Variants in USP9Y observed in about 807,000 individuals in gnomAD.
USP9Y encodes ubiquitin specific peptidase 9 Y-linked.
USP9Y carries 41 observed loss-of-function variants against 53.1 expected under a neutral mutation model. The ratio of observed to expected loss-of-function variants is 0.77; its 90% confidence interval spans 0.60 to 1.00. USP9Y has a LOEUF of 1.00. USP9Y is among the 50% of genes least tolerant of loss of function. USP9Y has a pLI of 0.00. For synonymous variants in USP9Y, 220 were observed against 173.7 expected, an observed-to-expected ratio of 1.27 and a Z score of -2.09; for missense variants, 567 against 535.8, an observed-to-expected ratio of 1.06 and a Z score of -0.58.
At position 12,841,115 on chromosome Y, in the gene USP9Y, G is replaced by A. The variant is rs746611950; in HGVS notation, c.6194G>A (p.Arg2065His). ...TTGFHTKKIV[R>H]GPASDWYDAL... Reference sequence around the variant, plus strand: ...GGATTTCACACCAAGAAAATAGTTCGTGGTCCTGCCAGTGACTGGTACATG... The same window carrying A: ...GGATTTCACACCAAGAAAATAGTTCATGGTCCTGCCAGTGACTGGTACATG... Residue 2065 changes from arginine to histidine, a missense_variant, in exon 37 of 46, where the codon CGT becomes CAT. Coordinates refer to ENST00000338981, the MANE Select transcript of USP9Y (RefSeq NM_004654.4). 2 of 396,368 alleles carry A rather than the reference G, an allele frequency of 5.0e-6. No individual in the cohort carries two copies. Among genetic ancestry groups the A allele is most frequent in the Non-Finnish European group, 7.1e-6 (2 of 281,911 alleles).
At chrY:12,814,038 A>G (rs2053533668) in intron 31 of USP9Y, among the ~76,000 whole-genome samples, 1 of 32,718 alleles carries the variant, frequency 3.1e-5, no homozygotes, top group Non-Finnish European at 7.6e-5. Context: ...CTGGTCTAGA[A>G]CTCCTGACCT....
chrY:12,833,652 T>C, intron 33 of USP9Y, 36 bp from the exon 34 acceptor site: 1 of 373,827 alleles, frequency 2.7e-6, no homozygotes, highest in Non-Finnish European at 3.8e-6. Flanking sequence ...TCTAGGCATG[T>C]ATTACATAAC....
intron 35 of USP9Y, among the ~76,000 whole-genome samples, chrY:12,838,835 G>C: frequency 3.0e-5 from 1 of 33,350 alleles, no homozygotes; most frequent in African/African-American, 1.2e-4. Context: ...ACTTAGTTTG[G>C]GAGATGGAAT....
intron 4 of USP9Y, chrY:12,721,276 A>G: frequency 7.2e-5 from 1 of 13,823 alleles, no homozygotes; most frequent in African/African-American, 5.8e-4. Flanking sequence ...CAGACAGAAA[A>G]GATTTTTTTT....
intron 45 of USP9Y, among the ~76,000 whole-genome samples, chrY:12,858,280 C>T (rs2053579602): frequency 3.1e-5 from 1 of 32,430 alleles, no homozygotes; most frequent in Non-Finnish European, 7.5e-5. Flanking sequence ...ACAGCAATTG[C>T]AGGGTCCAGA....
At chrY:12,832,815 G>A in intron 33 of USP9Y, among the ~76,000 whole-genome samples, 1 of 32,972 alleles carries the variant, frequency 3.0e-5, no homozygotes, top group Admixed American at 2.8e-4. Flanking sequence ...AATTTAGGAA[G>A]GTACTTAAGA....
chrY:12,801,065 T>A (rs755617082), intron 27 of USP9Y, among the ~76,000 whole-genome samples: 22 of 33,739 alleles, frequency 6.5e-4, no homozygotes, highest in Admixed American at 1.3e-3. Context: ...ACTTCTGTAA[T>A]GCTTCCCCAT....
chrY:12,704,665 C>G (rs2053418336), intron 1 of USP9Y, among the ~76,000 whole-genome samples: 1 of 33,607 alleles, frequency 3.0e-5, no homozygotes, highest in Admixed American at 2.7e-4. Context: ...ATTCAGCCTC[C>G]TTACTAGTTA....
intron 1 of USP9Y, among the ~76,000 whole-genome samples, chrY:12,705,596 A>G: frequency 3.3e-5 from 1 of 30,727 alleles, no homozygotes; most frequent in Admixed American, 3.0e-4. Context: ...TGCTTTATAT[A>G]TTTTAGAGCT....
chrY:12,703,343 G>A, intron 1 of USP9Y, among the ~76,000 whole-genome samples: 5 of 33,428 alleles, frequency 1.5e-4, no homozygotes, highest in Admixed American at 1.1e-3. Context: ...GCGGACCCTC[G>A]CGGTGAGTGT....
intron 27 of USP9Y, among the ~76,000 whole-genome samples, chrY:12,809,640 T>G: frequency 3.0e-5 from 1 of 33,197 alleles, no homozygotes; most frequent in Admixed American, 2.8e-4. Context: ...ATAATCACGT[T>G]TGAGAATCAT....
chrY:12,840,353 C>T lies in USP9Y; in HGVS notation c.5827C>T (p.Arg1943Ter), dbSNP rs1318565194. Reference sequence around the variant, plus strand: ...CATGATGAAGCGCATGTCATATAGGCGACAGAAGAGGTGGTGGAATGCTTA... The same window carrying T: ...CATGATGAAGCGCATGTCATATAGGTGACAGAAGAGGTGGTGGAATGCTTA... ...DHMMKRMSYRRQKRWWNAYIL... is the reference protein window; with the variant it reads ...DHMMKRMSYR Residue 1943 changes from arginine (R) to a stop codon, truncating the protein, a stop_gained, in exon 36 of 46, where the codon CGA becomes TGA. Transcript: ENST00000338981. LOFTEE classifies it high-confidence loss of function. The T allele has an allele frequency of 2.8e-5, 11 of 397,787 alleles. No individual in the cohort carries two copies. Among genetic ancestry groups the T allele is most frequent in the South Asian group, 3.0e-5 (1 of 33,719 alleles).
intron 10 of USP9Y, 145 bp from the exon 11 acceptor site, chrY:12,738,012 C>G: frequency 7.0e-6 from 1 of 142,941 alleles, no homozygotes; most frequent in Non-Finnish European, 1.3e-5. Flanking sequence ...TGTTACACTA[C>G]TGTGCTGTAA....
chrY:12,816,288 G>A lies in USP9Y; in HGVS notation c.4774G>A (p.Gly1592Ser), dbSNP rs367672412. The change falls in exon 32 of 46, where the codon GGC becomes AGC. Residue 1592 changes from glycine to serine, a missense_variant. By Grantham distance (56) the Gly-to-Ser change is moderately conservative. Transcript: ENST00000338981. ...CAGGAACAGTATTCTTGCAATTGAAGGCACAGGTAGTGATTTACACGATGA... is the reference window on the plus strand; with the variant it reads ...CAGGAACAGTATTCTTGCAATTGAAAGCACAGGTAGTGATTTACACGATGA... Reference protein sequence around the residue: ...SIRNSILAIEGTGSDLHDDMF... With the variant: ...SIRNSILAIESTGSDLHDDMF... 2.5e-6 allele frequency: 1 copy of A among 397,101 alleles called. No individual in the cohort carries two copies. The highest frequency in any genetic ancestry group is 3.5e-6 in the Non-Finnish European group (1 of 283,243).
At position 12,840,498 on chromosome Y, in the gene USP9Y, G is replaced by A; in HGVS notation, c.5972G>A (p.Ser1991Asn). ...ATTATGTCACCAGCCATTGAGAGAA[G>A]TGTACGGAAACAAAATGTGAAATTT... ...QIIMSPAIER[S>N]VRKQNVKFMH... Residue 1991 changes from serine to asparagine, a missense_variant, in exon 36 of 46, where the codon AGT (serine) becomes AAT (asparagine). By Grantham distance (46) the Ser-to-Asn change is conservative. Coordinates refer to ENST00000338981, the MANE Select transcript of USP9Y (RefSeq NM_004654.4). 1 of 398,461 alleles carries A rather than the reference G, an allele frequency of 2.5e-6. No individual in the cohort carries two copies. Among genetic ancestry groups the A allele is most frequent in the Non-Finnish European group, 3.5e-6 (1 of 283,474 alleles).
intron 33 of USP9Y, among the ~76,000 whole-genome samples, chrY:12,831,474 A>G (rs935674827): frequency 1.2e-4 from 4 of 33,446 alleles, no homozygotes; most frequent in Non-Finnish European, 7.4e-5. Context: ...AGTTAAAAGT[A>G]GAAGTACAGC....
intron 18 of USP9Y, 69 bp downstream of exon 18, chrY:12,775,635 C>A: frequency 4.6e-6 from 1 of 216,369 alleles, no homozygotes; most frequent in Non-Finnish European, 7.8e-6. Context: ...TCTTTTTTAA[C>A]CTGAAAATAA....
At position 12,833,855 on chromosome Y, in the gene USP9Y, C is replaced by T; in HGVS notation, c.5189C>T (p.Pro1730Leu). The T allele has an allele frequency of 5.0e-6, 2 of 396,158 alleles. No individual in the cohort carries two copies. The highest frequency in any genetic ancestry group is 7.1e-6 in the Non-Finnish European group (2 of 282,558). ...GATCAGAAGATCTGCCAAGGCTGCCCACATAGGTAAGTGCTAATTATGTTT... is the reference window on the plus strand; with the variant it reads ...GATCAGAAGATCTGCCAAGGCTGCCTACATAGGTAAGTGCTAATTATGTTT... ...FADQKICQGC[P>L]HRYECEESFT... Residue 1730 changes from proline to leucine, a missense_variant, in exon 34 of 46, where the codon CCA becomes CTA. Coordinates refer to ENST00000338981, the MANE Select transcript of USP9Y (RefSeq NM_004654.4).
intron 27 of USP9Y, among the ~76,000 whole-genome samples, chrY:12,794,523 A>C: frequency 3.0e-5 from 1 of 33,465 alleles, no homozygotes; most frequent in Non-Finnish European, 7.4e-5. Flanking sequence ...CTGTGTTTCC[A>C]TCATCCTCAG....
Sources: allele counts gnomAD v4.1 joint callset (sites outside exome capture counted in the v4.1 genomes callset), GRCh38; gene constraint gnomAD v4.1.1; transcripts MANE v1.5; gene names NCBI Gene and HGNC (gene_info 2026-07-23, HGNC 2026-07-21).